Variants in PLPP1 observed in about 807,000 individuals in gnomAD.
PLPP1 encodes the protein phospholipid phosphatase 1, also known as lipid phosphate phosphohydrolase 1a.
A neutral mutation model predicts 31.2 loss-of-function variants in PLPP1; 24 were observed. The ratio of observed to expected loss-of-function variants is 0.77; its 90% CI spans 0.56 to 1.08. The LOEUF (loss-of-function observed/expected upper bound fraction) is 1.08. Among genes scored for constraint, PLPP1 ranks in the 50% least tolerant of loss-of-function variants. The probability of loss-of-function intolerance (pLI) is 0.00; values close to 1 mark genes in which losing one functional copy is unlikely to be tolerated. For synonymous variants in PLPP1, 146 were observed against 126.3 expected (o/e 1.16, Z -1.05); for missense variants, 319 against 342.7 (o/e 0.93, Z 0.55).
intron 2 of PLPP1, among the ~76,000 whole-genome samples, chr5:55,472,749 GAGGAAGAGGAAGAAGAA>G (rs1157564215): frequency 0.018 from 95 of 5,186 alleles, no homozygotes; most frequent in African/African-American, 0.028. Context: ...AGAGGAAGAA[GAGGAAGAGGAAGAAGAA>G]GAGGAAGAGG....
At chr5:55,498,316 G>C (rs1398417380) in intron 1 of PLPP1, among the ~76,000 whole-genome samples, 2 of 152,014 alleles carry the variant, frequency 1.3e-5, no homozygotes, top group Non-Finnish European at 2.9e-5. Flanking sequence ...AGAAATAACA[G>C]TGGGAACAGG....
intron 3 of PLPP1, among the ~76,000 whole-genome samples, chr5:55,456,493 T>C (rs185279547): frequency 1.1e-4 from 16 of 152,302 alleles, no homozygotes; most frequent in African/African-American, 3.9e-4. Context: ...AATTAAAAGC[T>C]TATATGGTGG....
intron 1 of PLPP1, among the ~76,000 whole-genome samples, chr5:55,515,715 A>G (rs1022017429): frequency 6.6e-6 from 1 of 151,972 alleles, no homozygotes; most frequent in Admixed American, 6.6e-5. Context: ...CCTAGCTTTT[A>G]AGGAATTGCT....
intron 1 of PLPP1, among the ~76,000 whole-genome samples, chr5:55,515,560 A>G (rs1300856397): frequency 6.6e-6 from 1 of 152,184 alleles, no homozygotes; most frequent in Non-Finnish European, 1.5e-5. Flanking sequence ...CTTCCAACTC[A>G]CCACTGAAAT....
At chr5:55,444,655 G>A (rs1051615385) in intron 3 of PLPP1, among the ~76,000 whole-genome samples, 1 of 152,108 alleles carries the variant, frequency 6.6e-6, no homozygotes, top group Non-Finnish European at 1.5e-5. Flanking sequence ...CACTGACTCT[G>A]AGGGGTGGTC....
intron 5 of PLPP1, 28 bp from the exon 6 acceptor site, chr5:55,425,362 A>G (rs1751153121): frequency 6.5e-7 from 1 of 1,549,646 alleles, no homozygotes; most frequent in Admixed American, 1.9e-5. Flanking sequence ...TAATGGTATA[A>G]TTTAGATCAA....
At chr5:55,520,138 T>C (rs576767779) in intron 1 of PLPP1, among the ~76,000 whole-genome samples, 1 of 152,348 alleles carries the variant, frequency 6.6e-6, no homozygotes, top group South Asian at 2.1e-4. Context: ...TAGTTTGCTG[T>C]TCTCTCTCCA....
intron 1 of PLPP1, among the ~76,000 whole-genome samples, chr5:55,519,785 T>C (rs1409094045): frequency 6.6e-6 from 1 of 151,676 alleles, no homozygotes; most frequent in South Asian, 2.1e-4. Context: ...TATAAAAGTA[T>C]GAATTTTAAT....
intron 1 of PLPP1, among the ~76,000 whole-genome samples, chr5:55,482,292 T>A (rs1752688280): frequency 6.6e-6 from 1 of 151,566 alleles, no homozygotes; most frequent in Admixed American, 6.6e-5. Context: ...AAAAACTGTT[T>A]TAATGAGGTA....
At chr5:55,467,817 T>A (rs1263884164) in intron 3 of PLPP1, 52 bp downstream of exon 3, 1 of 1,524,060 alleles carries the variant, frequency 6.6e-7, no homozygotes, top group Admixed American at 2.0e-5. Flanking sequence ...ACTGAAACCT[T>A]CTATTCCAAG....
chr5:55,498,018 A>G (rs1753040325), intron 1 of PLPP1, among the ~76,000 whole-genome samples: 1 of 151,844 alleles, frequency 6.6e-6, no homozygotes, highest in Admixed American at 6.6e-5. Flanking sequence ...GGGCAATGGA[A>G]GATAAGCAGA....
At chr5:55,481,996 A>T (rs1049968547) in intron 1 of PLPP1, among the ~76,000 whole-genome samples, 8 of 148,104 alleles carry the variant, frequency 5.4e-5, no homozygotes, top group African/African-American at 9.8e-5. Context: ...ACATATATAT[A>T]TTTTTATTTT....
intron 1 of PLPP1, among the ~76,000 whole-genome samples, chr5:55,504,121 A>T (rs951035839): frequency 6.6e-6 from 1 of 151,954 alleles, no homozygotes; most frequent in Admixed American, 6.6e-5. Flanking sequence ...CTATAATCCC[A>T]GCACTTTGGG....
chr5:55,461,358 T>A (rs573187690), intron 3 of PLPP1, among the ~76,000 whole-genome samples: 4 of 152,150 alleles, frequency 2.6e-5, no homozygotes, highest in African/African-American at 9.6e-5. Flanking sequence ...AACACAGATG[T>A]AAAAATCCTT....
chr5:55,433,471 T>C lies in PLPP1; in HGVS notation c.550-7432A>G, dbSNP rs1751414782. On this transcript the variant is annotated intron_variant, in intron 4 of 5. Coordinates refer to ENST00000307259, the MANE Select transcript of PLPP1 (RefSeq NM_003711.4). ...TTAGATCTGATAAATTCAGTAAAGTTAAAGGATATAAAATCAACATACAAA... is the reference window on the plus strand; with the variant it reads ...TTAGATCTGATAAATTCAGTAAAGTCAAAGGATATAAAATCAACATACAAA... Among the ~76,000 whole-genome samples the C allele has an allele frequency of 1.7e-5, 2 of 120,698 alleles. 1 individual carries two copies. Among genetic ancestry groups the C allele is most frequent in the Non-Finnish European group, 3.4e-5 (2 of 58,802 alleles). The allele number at this position is 120,698 out of a possible 152,430, so 79.2% of individuals were successfully genotyped here. A position where few individuals can be genotyped will look rare whatever the true frequency, so the allele number is the denominator to read the frequency against.
chr5:55,510,814 T>C (rs950961747), intron 1 of PLPP1, among the ~76,000 whole-genome samples: 1 of 152,164 alleles, frequency 6.6e-6, no homozygotes, highest in African/African-American at 2.4e-5. Flanking sequence ...GCAAATTACT[T>C]ACCTGTCTGA....
chr5:55,532,095 AG>A (rs2111965657), intron 1 of PLPP1, among the ~76,000 whole-genome samples: 1 of 152,368 alleles, frequency 6.6e-6, no homozygotes, highest in African/African-American at 2.4e-5. Context: ...TGCAACTGTC[AG>A]GTCAATGTAG....
chr5:55,518,056 GACT>G lies in PLPP1; in HGVS notation c.58+16513_58+16515del, dbSNP rs1211724333. 2.6e-5 allele frequency among the ~76,000 whole-genome samples: 4 copies of G among 152,080 alleles called. No homozygotes were observed. The East Asian group carries it at 7.7e-4, about 29-fold the overall frequency. Reference sequence around the variant, plus strand: ...AGATAGGGTTTCACCATGTTGGTCAGACTACTGATCTCGTGATCCGCCTGCCTC... The same window carrying G: ...AGATAGGGTTTCACCATGTTGGTCAGACTGATCTCGTGATCCGCCTGCCTC... On this transcript the variant is annotated intron_variant, in intron 1 of 5. Transcript: ENST00000307259.
At chr5:55,534,423 G>T (rs1307927667) in intron 1 of PLPP1, 149 bp downstream of exon 1, 1 of 806,926 alleles carries the variant, frequency 1.2e-6, no homozygotes, top group Non-Finnish European at 1.8e-6. Context: ...TGCAAAGCGG[G>T]GTCCCTCGGC....
Sources: allele counts gnomAD v4.1 joint callset (sites outside exome capture counted in the v4.1 genomes callset), GRCh38; gene constraint gnomAD v4.1.1; transcripts MANE v1.5; gene names NCBI Gene and HGNC (gene_info 2026-07-23, HGNC 2026-07-21).